PPM1E: variants seen among roughly 807,000 people sequenced by gnomAD.
PPM1E encodes protein phosphatase 1E.
A neutral mutation model predicts 65.9 loss-of-function variants in PPM1E; 20 were observed. The observed-to-expected ratio is 0.30, with a 90% CI of 0.21 to 0.44. PPM1E has a LOEUF of 0.44. PPM1E is among the 20% of genes least tolerant of loss of function. The probability of loss-of-function intolerance (pLI) is 1.00; values close to 1 mark genes in which losing one functional copy is unlikely to be tolerated. For missense variants in PPM1E, 713 were observed against 953.1 expected (o/e 0.75, Z 3.32); for synonymous variants, 352 against 374.9 (o/e 0.94, Z 0.70).
At chr17:58,794,030 C>T (rs887345575) in intron 1 of PPM1E, among the ~76,000 whole-genome samples, 2 of 152,080 alleles carry the variant, frequency 1.3e-5, no homozygotes, top group South Asian at 2.1e-4. Context: ...ACAACCTCCG[C>T]GTCCTGGGTT....
chr17:58,837,368 C>G (rs1174310677), intron 1 of PPM1E, among the ~76,000 whole-genome samples: 3 of 148,614 alleles, frequency 2.0e-5, no homozygotes, highest in Non-Finnish European at 3.0e-5. Flanking sequence ...CACTAAATCT[C>G]TCATTATCCT....
chr17:58,766,200 T>G (rs994040689), intron 1 of PPM1E, among the ~76,000 whole-genome samples: 2 of 127,492 alleles, frequency 1.6e-5, no homozygotes, highest in Non-Finnish European at 3.3e-5. Context: ...ATTTCTGTTT[T>G]TTTTTTTTTT....
chr17:58,756,407 G>A lies in PPM1E; in HGVS notation c.410G>A (p.Arg137His). ...CGACCGCTGTCAGAGCGCATCACCC[G>A]CGAGGAGGTGGAGGGCGAAAGCCTG... The part of the protein sequence containing the change: ...LPRPLSERIT[R>H]EEVEGESLDL... Residue 137 changes from arginine (R) to histidine (H), a missense_variant, in exon 1 of 7, where the codon CGC becomes CAC. By Grantham distance (29) the Arg-to-His change is conservative. Coordinates refer to ENST00000308249, the MANE Select transcript of PPM1E (RefSeq NM_014906.5). 2 of 1,358,252 alleles carry A rather than the reference G, an allele frequency of 1.5e-6. No individual in the cohort carries two copies. The highest frequency in any genetic ancestry group is 2.1e-5 in the South Asian group (1 of 48,442). 84.1% of individuals were successfully genotyped at this position (1,358,252 alleles called of 1,614,324 possible). A position where few individuals can be genotyped will look rare whatever the true frequency, so the allele number is the denominator to read the frequency against.
At chr17:58,969,507 C>G in intron 3 of PPM1E, 32 bp from the exon 4 acceptor site, 2 of 1,608,872 alleles carry the variant, frequency 1.2e-6, no homozygotes, top group Non-Finnish European at 8.5e-7. Flanking sequence ...CTATACCCAA[C>G]TCCCATAACT....
chr17:58,957,412 T>C (rs2029893022), intron 2 of PPM1E, among the ~76,000 whole-genome samples: 1 of 152,208 alleles, frequency 6.6e-6, no homozygotes, highest in Admixed American at 6.5e-5. Flanking sequence ...GTGTTTTCTT[T>C]TGGTGGATAT....
chr17:58,982,246 G>A lies in PPM1E; in HGVS notation c.*1215G>A, dbSNP rs545483077. The A allele has an allele frequency of 2.0e-5, 3 of 152,638 alleles. No homozygotes were observed. The highest frequency in any genetic ancestry group is 7.2e-5 in the African/African-American group (3 of 41,564). 9.5% of individuals were successfully genotyped at this position (152,638 alleles called of 1,614,324 possible). A position where few individuals can be genotyped will look rare whatever the true frequency, so the allele number is the denominator to read the frequency against. ...TTCATTTCAATATTTAGTTATATTT[G>A]ATATTTTGAAACTGTCTGCTTTTTG... On this transcript the variant is annotated 3_prime_UTR_variant, in exon 7 of 7. Transcript: ENST00000308249.
At chr17:58,933,799 GA>G (rs11316367) in intron 1 of PPM1E, among the ~76,000 whole-genome samples, 75,582 of 128,532 alleles carry the variant, frequency 0.59, 20,291 homozygotes, top group Middle Eastern at 0.65. Flanking sequence ...TATCTCAAAA[GA>G]AAAAAAAAAA....
chr17:58,785,457 T>TA (rs2050089394), intron 1 of PPM1E: 6 of 92,692 alleles, frequency 6.5e-5, no homozygotes, highest in Admixed American at 1.2e-4. Flanking sequence ...ACCTGGCTAA[T>TA]TTATATATAT....
At chr17:58,802,843 A>T (rs534523172) in intron 1 of PPM1E, among the ~76,000 whole-genome samples, 1 of 152,162 alleles carries the variant, frequency 6.6e-6, no homozygotes, top group South Asian at 2.1e-4. Flanking sequence ...GTTCACTGTT[A>T]GTATATAGTA....
At chr17:58,853,749 T>C (rs2050852830) in intron 1 of PPM1E, among the ~76,000 whole-genome samples, 1 of 152,124 alleles carries the variant, frequency 6.6e-6, no homozygotes, top group African/African-American at 2.4e-5. Flanking sequence ...GAGAATCGCT[T>C]GAACCCGGGA....
At chr17:58,929,366 G>C (rs2051864359) in intron 1 of PPM1E, among the ~76,000 whole-genome samples, 1 of 152,118 alleles carries the variant, frequency 6.6e-6, no homozygotes, top group Admixed American at 6.6e-5. Context: ...TATCTTGGTA[G>C]GGTTTTGAGT....
intron 1 of PPM1E, among the ~76,000 whole-genome samples, chr17:58,953,934 C>T (rs752993977): frequency 3.9e-5 from 6 of 152,160 alleles, no homozygotes; most frequent in Non-Finnish European, 8.8e-5. Flanking sequence ...TTAGTAGAGA[C>T]GGGGTTTCAC....
chr17:58,855,689 A>AT (rs941283674), intron 1 of PPM1E, among the ~76,000 whole-genome samples: 2 of 152,188 alleles, frequency 1.3e-5, no homozygotes, highest in Non-Finnish European at 2.9e-5. Flanking sequence ...TTAAAGATAA[A>AT]TTTTTTAAAT....
chr17:58,930,337 G>T (rs925815909), intron 1 of PPM1E, among the ~76,000 whole-genome samples: 1 of 151,174 alleles, frequency 6.6e-6, no homozygotes, highest in East Asian at 1.9e-4. Flanking sequence ...GGTTGCACAC[G>T]CCTGTAGTCC....
intron 1 of PPM1E, among the ~76,000 whole-genome samples, chr17:58,902,769 T>C (rs1371285464): frequency 2.0e-5 from 3 of 152,170 alleles, no homozygotes; most frequent in African/African-American, 4.8e-5. Flanking sequence ...CATTCAGATA[T>C]AGGGGTTGTG....
chr17:58,910,108 G>C (rs1247306960), intron 1 of PPM1E, among the ~76,000 whole-genome samples: 1 of 151,526 alleles, frequency 6.6e-6, no homozygotes, highest in Non-Finnish European at 1.5e-5. Flanking sequence ...TTGCCATGTT[G>C]GCCAGGCTGG....
intron 1 of PPM1E, among the ~76,000 whole-genome samples, chr17:58,810,546 A>G (rs1344134542): frequency 1.3e-5 from 2 of 152,052 alleles, no homozygotes; most frequent in East Asian, 1.9e-4. Flanking sequence ...AGCAAATAAT[A>G]TATATATATT....
chr17:58,840,188 C>T (rs779609475), intron 1 of PPM1E, among the ~76,000 whole-genome samples: 4 of 152,192 alleles, frequency 2.6e-5, no homozygotes, highest in South Asian at 2.1e-4. Flanking sequence ...CAATCTGTGA[C>T]GACACGCTAG....
intron 1 of PPM1E, among the ~76,000 whole-genome samples, chr17:58,866,201 T>A (rs2051001806): frequency 1.3e-5 from 2 of 152,184 alleles, no homozygotes; most frequent in African/African-American, 2.4e-5. Context: ...AACTTCAGGG[T>A]GGAGCCCTTG....
Sources: gnomAD v4.1 joint callset for allele counts (sites outside exome capture counted in the v4.1 genomes callset) on GRCh38, gnomAD v4.1.1 for gene constraint, MANE v1.5 for transcripts, NCBI Gene and HGNC (gene_info 2026-07-23, HGNC 2026-07-21) for gene names.